AFF3: variants seen among roughly 807,000 people sequenced by gnomAD.
AFF3 encodes AF4/FMR2 family member 3.
In AFF3, 32 loss-of-function variants were observed where a neutral mutation model predicts 129.7. The ratio of observed to expected loss-of-function variants is 0.25; its 90% CI spans 0.19 to 0.33. The LOEUF (loss-of-function observed/expected upper bound fraction) is 0.33. Among genes scored for constraint, AFF3 ranks in the 10% least tolerant of loss-of-function variants. The pLI is 1.00. For missense variants in AFF3, 1,373 were observed against 1,592.0 expected (o/e 0.86, Z 2.34); for synonymous variants, 644 against 635.4 (o/e 1.01, Z -0.20).
chr2:99,757,518 T>C (rs1306738346), intron 8 of AFF3, among the ~76,000 whole-genome samples: 1 of 152,204 alleles, frequency 6.6e-6, no homozygotes, highest in Non-Finnish European at 1.5e-5. Context: ...TTTATGTGAT[T>C]TGCTTAATTC....
intron 14 of AFF3, among the ~76,000 whole-genome samples, chr2:99,599,255 T>C (rs1289600582): frequency 6.6e-6 from 1 of 152,184 alleles, no homozygotes; most frequent in Non-Finnish European, 1.5e-5. Context: ...ACTGCTCTTT[T>C]TTTCTTTCTT....
At chr2:99,582,586 G>A (rs1281546955) in intron 17 of AFF3, among the ~76,000 whole-genome samples, 4 of 152,200 alleles carry the variant, frequency 2.6e-5, no homozygotes, top group Non-Finnish European at 2.9e-5. Flanking sequence ...GCAACCGAGG[G>A]TTAGAACTCT....
intron 8 of AFF3, among the ~76,000 whole-genome samples, chr2:99,800,901 G>A (rs1298400125): frequency 6.6e-6 from 1 of 152,190 alleles, no homozygotes; most frequent in Non-Finnish European, 1.5e-5. Flanking sequence ...AGAAAGCAGA[G>A]CAGTGGTGGC....
chr2:99,891,197 A>G (rs1693523034), intron 7 of AFF3, among the ~76,000 whole-genome samples: 2 of 152,278 alleles, frequency 1.3e-5, no homozygotes, highest in East Asian at 1.9e-4. Context: ...GATCTGGAGC[A>G]CAGAGGCTGT....
chr2:100,089,004 T>A lies in AFF3; in HGVS notation c.53+15398A>T, dbSNP rs148634280. On this transcript the variant is annotated intron_variant, in intron 4 of 24. Coordinates refer to ENST00000672756, the MANE Select transcript of AFF3 (RefSeq NM_001386135.1). Reference sequence around the variant, plus strand: ...ACACAAATAGAAAGAAGCATTGTTATACATTTTAAAAAAGTGTTACACTTA... The same window carrying A: ...ACACAAATAGAAAGAAGCATTGTTAAACATTTTAAAAAAGTGTTACACTTA... Among the ~76,000 whole-genome samples, 21 of 152,376 alleles carry A rather than the reference T, an allele frequency of 1.4e-4. No homozygotes were observed. In the East Asian group the frequency reaches 4.0e-3, roughly 29 times the overall value.
intron 3 of AFF3, chr2:100,105,156 G>GCGCCCGGCCC (rs1231437721): frequency 1.8e-4 from 51 of 282,956 alleles, no homozygotes; most frequent in Non-Finnish European, 2.6e-4. Context: ...CCGCCCGCCC[G>GCGCCCGGCCC]CGCCCGGCCC....
At chr2:100,025,729 C>G (rs929911365) in intron 4 of AFF3, among the ~76,000 whole-genome samples, 3 of 152,162 alleles carry the variant, frequency 2.0e-5, no homozygotes, top group Admixed American at 1.3e-4. Context: ...GAATAGAGAA[C>G]CCAGAAATAA....
chr2:100,092,125 T>A (rs1215929075), intron 4 of AFF3, among the ~76,000 whole-genome samples: 1 of 152,090 alleles, frequency 6.6e-6, no homozygotes, highest in African/African-American at 2.4e-5. Flanking sequence ...TTTAGTAAAC[T>A]TCCTAGAGAC....
At chr2:100,014,871 C>T (rs181396559) in intron 4 of AFF3, among the ~76,000 whole-genome samples, 30 of 150,138 alleles carry the variant, frequency 2.0e-4, no homozygotes, top group Admixed American at 1.9e-3. Context: ...GCAACCTCCG[C>T]CTCCCAGGTT....
intron 7 of AFF3, among the ~76,000 whole-genome samples, chr2:99,918,615 G>C (rs1052389652): frequency 6.6e-5 from 10 of 152,122 alleles, no homozygotes; most frequent in African/African-American, 2.4e-4. Flanking sequence ...ATATTTATGA[G>C]GTGAGACAGA....
chr2:99,635,470 T>C (rs1461729773), intron 13 of AFF3, among the ~76,000 whole-genome samples: 2 of 152,120 alleles, frequency 1.3e-5, no homozygotes, highest in Non-Finnish European at 2.9e-5. Flanking sequence ...TTTGTGTGTG[T>C]GTGTGTGTTT....
At chr2:99,633,557 G>A (rs1477552367) in intron 13 of AFF3, among the ~76,000 whole-genome samples, 1 of 152,202 alleles carries the variant, frequency 6.6e-6, no homozygotes, top group African/African-American at 2.4e-5. Flanking sequence ...CAGCATTGGA[G>A]TTTGAGCCTC....
chr2:99,668,907 G>A (rs1686919144), intron 12 of AFF3, among the ~76,000 whole-genome samples: 1 of 151,986 alleles, frequency 6.6e-6, no homozygotes. Flanking sequence ...AAAGGGCAGG[G>A]GACCCTTCTT....
At position 99,645,742 on chromosome 2, in the gene AFF3, C is replaced by T. The variant is rs143818164; in HGVS notation, c.1184+3884G>A. Among the ~76,000 whole-genome samples, 57 of 152,224 alleles carry T rather than the reference C, an allele frequency of 3.7e-4. 1 individual carries two copies. The South Asian group carries it at 0.011, about 29-fold the overall frequency. ...CAGTTGATTTTTAAAATTTATGTAA[C>T]GGAAATATCACAGTTTTAATTTATC... On this transcript the variant is annotated intron_variant, in intron 13 of 24. Transcript: ENST00000672756.
At chr2:99,720,175 T>C (rs1287447276) in intron 11 of AFF3, among the ~76,000 whole-genome samples, 1 of 152,234 alleles carries the variant, frequency 6.6e-6, no homozygotes, top group African/African-American at 2.4e-5. Flanking sequence ...AGTTTGGATA[T>C]GGTTTGTCTG....
chr2:99,727,035 T>A (rs1679413734), intron 11 of AFF3, 42 bp downstream of exon 11: 1 of 1,537,914 alleles, frequency 6.5e-7, no homozygotes, highest in African/African-American at 1.4e-5. Flanking sequence ...ATGAGGCATA[T>A]TTAAGAACAG....
intron 7 of AFF3, among the ~76,000 whole-genome samples, chr2:99,917,823 G>A (rs1047231618): frequency 6.6e-6 from 1 of 152,146 alleles, no homozygotes; most frequent in Non-Finnish European, 1.5e-5. Context: ...AAATGATGGA[G>A]AATAGTTTGC....
intron 4 of AFF3, among the ~76,000 whole-genome samples, chr2:100,040,369 C>T (rs539204844): frequency 3.3e-4 from 51 of 152,268 alleles, no homozygotes; most frequent in African/African-American, 1.2e-3. Context: ...GAAAGAGTTC[C>T]AACCAGCTGA....
chr2:99,580,117 T>G (rs1299399696), intron 17 of AFF3, among the ~76,000 whole-genome samples: 1 of 152,148 alleles, frequency 6.6e-6, no homozygotes, highest in Non-Finnish European at 1.5e-5. Flanking sequence ...CTGTGGCCTC[T>G]GTTCCCCAGA....
Sources: allele counts gnomAD v4.1 joint callset (sites outside exome capture counted in the v4.1 genomes callset), GRCh38; gene constraint gnomAD v4.1.1; transcripts MANE v1.5; gene names NCBI Gene and HGNC (gene_info 2026-07-23, HGNC 2026-07-21).